Variants in NXPH1 observed in about 807,000 individuals in gnomAD.
NXPH1 encodes neurexophilin-1.
Under a neutral mutation model 23.7 loss-of-function variants are expected in NXPH1, and 5 were observed. The ratio of observed to expected loss-of-function variants is 0.21; its 90% CI spans 0.11 to 0.44. The LOEUF (loss-of-function observed/expected upper bound fraction) is 0.44. Among genes scored for constraint, NXPH1 ranks in the 20% least tolerant of loss-of-function variants. The probability of loss-of-function intolerance (pLI) is 0.99; values close to 1 mark genes in which losing one functional copy is unlikely to be tolerated. For missense variants in NXPH1, 324 were observed against 321.6 expected (o/e 1.01, Z -0.06); for synonymous variants, 144 against 122.2 (o/e 1.18, Z -1.18).
intron 2 of NXPH1, among the ~76,000 whole-genome samples, chr7:8,712,478 A>G (rs1266603054): frequency 6.6e-6 from 1 of 152,234 alleles, no homozygotes; most frequent in Non-Finnish European, 1.5e-5. Context: ...CACCGAATGA[A>G]AATTCTTCCC....
chr7:8,743,664 T>C (rs923257389), intron 2 of NXPH1, among the ~76,000 whole-genome samples: 7 of 151,206 alleles, frequency 4.6e-5, no homozygotes, highest in African/African-American at 9.7e-5. Context: ...TAGAGCAAAG[T>C]GTGGCAACTC....
intron 2 of NXPH1, among the ~76,000 whole-genome samples, chr7:8,545,508 T>C (rs1191800440): frequency 1.3e-5 from 2 of 151,490 alleles, no homozygotes; most frequent in Non-Finnish European, 3.0e-5. Flanking sequence ...TTCGAGGGCA[T>C]ATGTACATAT....
chr7:8,652,884 AT>A (rs1356308608), intron 2 of NXPH1, among the ~76,000 whole-genome samples: 1 of 152,148 alleles, frequency 6.6e-6, no homozygotes, highest in Non-Finnish European at 1.5e-5. Context: ...TAGCTTATGA[AT>A]TTTTAAGAAC....
intron 2 of NXPH1, among the ~76,000 whole-genome samples, chr7:8,614,488 T>C (rs1819691696): frequency 6.6e-6 from 1 of 151,992 alleles, no homozygotes; most frequent in Admixed American, 6.6e-5. Flanking sequence ...TATGCATATG[T>C]CTATAGATAT....
In NXPH1 at chr7:8,710,640, G is replaced by GGTTTTTTTTTTTTTT. The variant is rs1376868557; in HGVS notation, c.55-40368_55-40367insGTTTTTTTTTTTTTT. 3.6e-4 allele frequency among the ~76,000 whole-genome samples: 10 copies of GGTTTTTTTTTTTTTT among 27,672 alleles called. 5 individuals carry two copies. Among genetic ancestry groups the GGTTTTTTTTTTTTTT allele is most frequent in the African/African-American group, 3.2e-4 (2 of 6,236 alleles). The allele number at this position is 27,672 out of a possible 152,430, so 18.2% of individuals were successfully genotyped here. On this transcript the variant is annotated intron_variant, in intron 2 of 2. Coordinates refer to ENST00000405863, the MANE Select transcript of NXPH1 (RefSeq NM_152745.3). ...TTGAACAAAGCATGTCAACTGTTAC[G>GGTTTTTTTTTTTTTT]TTTTTTGTTTTTTTTTTTTTTTTTT...
At chr7:8,464,309 C>T (rs1816742736) in intron 2 of NXPH1, among the ~76,000 whole-genome samples, 1 of 152,134 alleles carries the variant, frequency 6.6e-6, no homozygotes. Context: ...CTATCATTTT[C>T]ACTCTTTTAG....
intron 2 of NXPH1, among the ~76,000 whole-genome samples, chr7:8,484,749 C>G (rs1407559689): frequency 1.3e-5 from 2 of 152,090 alleles, no homozygotes; most frequent in African/African-American, 2.4e-5. Flanking sequence ...TCCTTTCTTT[C>G]TATAAAAATA....
intron 2 of NXPH1, among the ~76,000 whole-genome samples, chr7:8,657,313 A>G (rs1370569362): frequency 6.6e-6 from 1 of 152,270 alleles, no homozygotes; most frequent in Non-Finnish European, 1.5e-5. Flanking sequence ...GAATCATTGT[A>G]GGTGGGAATT....
At chr7:8,750,061 T>A (rs570333548) in intron 2 of NXPH1, among the ~76,000 whole-genome samples, 183 of 152,356 alleles carry the variant, frequency 1.2e-3, no homozygotes, top group Non-Finnish European at 2.1e-3. Flanking sequence ...CCACATGTTG[T>A]TGGTTTCTCT....
intron 2 of NXPH1, among the ~76,000 whole-genome samples, chr7:8,587,591 C>A (rs1819004772): frequency 1.3e-5 from 2 of 152,110 alleles, no homozygotes; most frequent in African/African-American, 4.8e-5. Context: ...ACCCATCAAT[C>A]CGTCATCTAC....
intron 2 of NXPH1, among the ~76,000 whole-genome samples, chr7:8,450,538 T>C (rs562369987): frequency 2.4e-4 from 37 of 152,224 alleles, no homozygotes; most frequent in Non-Finnish European, 4.9e-4. Context: ...AATTTATCTA[T>C]TTCTGAAAAA....
At chr7:8,648,419 G>A (rs76655446) in intron 2 of NXPH1, among the ~76,000 whole-genome samples, 106,407 of 151,662 alleles carry the variant, frequency 0.7, 38,116 homozygotes, top group East Asian at 1. Context: ...TGTGATGTTT[G>A]TTTTTCTGTG....
At chr7:8,591,677 A>G (rs1279596838) in intron 2 of NXPH1, among the ~76,000 whole-genome samples, 2 of 151,998 alleles carry the variant, frequency 1.3e-5, no homozygotes. Flanking sequence ...AGGAGTCAGA[A>G]CTTTAACATA....
chr7:8,550,065 T>A (rs1283146969), intron 2 of NXPH1, among the ~76,000 whole-genome samples: 1 of 151,602 alleles, frequency 6.6e-6, no homozygotes, highest in Non-Finnish European at 1.5e-5. Context: ...ACCCAATTTT[T>A]AAATAGGAGA....
chr7:8,727,262 G>A (rs1296598107), intron 2 of NXPH1, among the ~76,000 whole-genome samples: 7 of 119,814 alleles, frequency 5.8e-5, no homozygotes, highest in Admixed American at 2.5e-4. Flanking sequence ...AGTAGGTTGC[G>A]AAAATTTTCT....
rs116247543 is a variant in NXPH1, at chr7:8,523,567, A to G, written c.54+87800A>G. 2.6e-3 allele frequency among the ~76,000 whole-genome samples: 389 copies of G among 152,332 alleles called. 4 individuals are homozygous for G. The highest frequency in any genetic ancestry group is 8.9e-3 in the African/African-American group (370 of 41,570). The stretch of plus-strand genomic sequence containing the variant: ...CTTAGAGGGAAAAGAATAGGATTCT[A>G]AGGATTAGATACATTTGGGGAAACT... On this transcript the variant is annotated intron_variant, in intron 2 of 2. Transcript: ENST00000405863.
At chr7:8,471,176 C>A (rs770074247) in intron 2 of NXPH1, among the ~76,000 whole-genome samples, 21 of 152,010 alleles carry the variant, frequency 1.4e-4, no homozygotes, top group Non-Finnish European at 2.8e-4. Flanking sequence ...CCGAGTTTAG[C>A]GTCTCAAAAT....
intron 2 of NXPH1, among the ~76,000 whole-genome samples, chr7:8,463,329 T>A (rs1018759666): frequency 7.9e-5 from 12 of 152,082 alleles, no homozygotes; most frequent in Admixed American, 6.5e-4. Context: ...GTATTTTTTT[T>A]ATCATGAACT....
At chr7:8,627,561 G>T (rs1253846865) in intron 2 of NXPH1, among the ~76,000 whole-genome samples, 1 of 152,130 alleles carries the variant, frequency 6.6e-6, no homozygotes, top group Non-Finnish European at 1.5e-5. Context: ...ATGCCAAGGG[G>T]CTGGGAGAGG....
Sources: allele counts gnomAD v4.1 joint callset (sites outside exome capture counted in the v4.1 genomes callset), GRCh38; gene constraint gnomAD v4.1.1; transcripts MANE v1.5; gene names NCBI Gene and HGNC (gene_info 2026-07-23, HGNC 2026-07-21).